Variants in LAMA2 observed in about 807,000 individuals in gnomAD.
The protein encoded by LAMA2 is laminin subunit alpha 2.
A neutral mutation model predicts 364.8 loss-of-function variants in LAMA2; 269 were observed. The observed-to-expected ratio is 0.74, with a 90% CI of 0.67 to 0.82. The LOEUF is 0.82. Ranked by LOEUF, LAMA2 falls within the 40% of genes least tolerant of loss-of-function variation. The pLI, the probability that LAMA2 is intolerant of heterozygous loss-of-function variation, is 0.00. For synonymous variants in LAMA2, 1,379 were observed against 1,370.6 expected (o/e 1.01, Z -0.14); for missense variants, 3,807 against 3,873.2 (o/e 0.98, Z 0.45).
chr6:129,395,675 C>T (rs1035208651), intron 37 of LAMA2, among the ~76,000 whole-genome samples: 1 of 152,196 alleles, frequency 6.6e-6, no homozygotes, highest in Non-Finnish European at 1.5e-5. Flanking sequence ...CCACTCCATA[C>T]GCTACCATAA....
intron 1 of LAMA2, among the ~76,000 whole-genome samples, chr6:128,905,036 C>T (rs1207303880): frequency 6.6e-6 from 1 of 152,048 alleles, no homozygotes; most frequent in African/African-American, 2.4e-5. Context: ...TAATTTTAGT[C>T]GGATATTGGT....
intron 5 of LAMA2, among the ~76,000 whole-genome samples, chr6:129,146,075 G>T (rs1433852144): frequency 6.7e-6 from 1 of 149,808 alleles, no homozygotes. Flanking sequence ...GAAGGAAAAA[G>T]AAACAAAGAA....
At chr6:129,173,322 A>G (rs1167668963) in intron 9 of LAMA2, among the ~76,000 whole-genome samples, 2 of 152,172 alleles carry the variant, frequency 1.3e-5, no homozygotes, top group Admixed American at 6.5e-5. Context: ...ATCATTCACA[A>G]CACCTCCCTC....
intron 8 of LAMA2, chr6:129,159,049 C>T (rs909046511): frequency 2.5e-5 from 39 of 1,577,784 alleles, no homozygotes; most frequent in Non-Finnish European, 3.4e-5. Flanking sequence ...TATCCAGATT[C>T]TGTCCTTGAA....
At chr6:129,494,945 A>G (rs1205948242) in intron 58 of LAMA2, among the ~76,000 whole-genome samples, 1 of 152,204 alleles carries the variant, frequency 6.6e-6, no homozygotes. Flanking sequence ...CCTAATGTCC[A>G]CTTATAAAAA....
At chr6:129,452,853 G>C in intron 45 of LAMA2, 135 bp from the exon 46 acceptor site, 1 of 753,528 alleles carries the variant, frequency 1.3e-6, no homozygotes, top group Non-Finnish European at 2.3e-6. Context: ...CTGCATATGG[G>C]TGTTTAATGA....
chr6:129,369,753 C>T, intron 33 of LAMA2, 139 bp from the exon 34 acceptor site: 1 of 735,492 alleles, frequency 1.4e-6, no homozygotes, highest in Non-Finnish European at 2.4e-6. Flanking sequence ...TGTGTAAGTG[C>T]CCAGTTGAAA....
At chr6:129,211,132 G>T (rs1051626937) in intron 12 of LAMA2, among the ~76,000 whole-genome samples, 5 of 152,144 alleles carry the variant, frequency 3.3e-5, no homozygotes, top group African/African-American at 1.2e-4. Context: ...CTTACACTCA[G>T]TTGACTACTA....
At chr6:128,921,028 T>A (rs1285632601) in intron 1 of LAMA2, among the ~76,000 whole-genome samples, 2 of 152,210 alleles carry the variant, frequency 1.3e-5, no homozygotes, top group Admixed American at 1.3e-4. Context: ...CTTGCACTTA[T>A]CTTAGCAGGG....
intron 1 of LAMA2, among the ~76,000 whole-genome samples, chr6:128,998,404 G>GTCATTTT: frequency 1.4e-5 from 1 of 69,192 alleles, no homozygotes; most frequent in Non-Finnish European, 2.7e-5. Context: ...AGCCAAGATG[G>GTCATTTT]CCGAATAGGA....
At chr6:129,439,994 A>G (rs1293315475) in intron 42 of LAMA2, among the ~76,000 whole-genome samples, 2 of 152,030 alleles carry the variant, frequency 1.3e-5, no homozygotes, top group African/African-American at 4.8e-5. Flanking sequence ...TCTTCTGTGT[A>G]TAACATAAGT....
intron 55 of LAMA2, among the ~76,000 whole-genome samples, chr6:129,484,765 T>C (rs1784514631): frequency 6.6e-6 from 1 of 152,128 alleles, no homozygotes; most frequent in Non-Finnish European, 1.5e-5. Context: ...AGTAAGGTAA[T>C]GATAAACATA....
intron 21 of LAMA2, among the ~76,000 whole-genome samples, chr6:129,300,430 T>A (rs926790990): frequency 6.6e-6 from 1 of 152,128 alleles, no homozygotes; most frequent in African/African-American, 2.4e-5. Context: ...ATATAAGGTG[T>A]TACAGTTAAC....
intron 3 of LAMA2, among the ~76,000 whole-genome samples, chr6:129,079,778 T>A (rs981254212): frequency 3.3e-5 from 5 of 152,100 alleles, no homozygotes; most frequent in Admixed American, 3.3e-4. Context: ...GGAAATTAAA[T>A]CCTGGACAAT....
chr6:129,022,297 T>A (rs1785495043), intron 1 of LAMA2, among the ~76,000 whole-genome samples: 2 of 152,232 alleles, frequency 1.3e-5, no homozygotes, highest in Non-Finnish European at 2.9e-5. Context: ...AGATTCTATT[T>A]TGTTTTACTT....
chr6:129,118,480 A>C (rs1413356881), intron 4 of LAMA2, among the ~76,000 whole-genome samples: 1 of 152,186 alleles, frequency 6.6e-6, no homozygotes, highest in Non-Finnish European at 1.5e-5. Flanking sequence ...ATATCCTTGG[A>C]GATTTTAAAG....
chr6:129,303,282 C>T (rs546869757), intron 22 of LAMA2, among the ~76,000 whole-genome samples: 2 of 152,020 alleles, frequency 1.3e-5, no homozygotes, highest in Admixed American at 1.3e-4. Context: ...ATTTTTATAC[C>T]TTATCCTTCT....
rs562019748 is a variant in LAMA2, at chr6:128,910,389, G to A, written c.112+27032G>A. ...CTTCTTGCTTCATTTCATTCATTTC[G>A]TCTTCCATTGCTGATACCCTTTCTT... On this transcript the variant is annotated intron_variant, in intron 1 of 64. Coordinates refer to ENST00000421865, the MANE Select transcript of LAMA2 (RefSeq NM_000426.4). Among the ~76,000 whole-genome samples, 536 of 151,624 alleles carry A rather than the reference G, an allele frequency of 3.5e-3. 4 individuals are homozygous for A. The highest frequency in any genetic ancestry group is 0.01 in the African/African-American group (431 of 41,296).
At chr6:129,119,705 G>A (rs991272637) in intron 4 of LAMA2, among the ~76,000 whole-genome samples, 31 of 151,978 alleles carry the variant, frequency 2.0e-4, no homozygotes, top group African/African-American at 6.8e-4. Flanking sequence ...CCGCCACCAC[G>A]CCTGGCTAAT....
Sources: allele counts gnomAD v4.1 joint callset (sites outside exome capture counted in the v4.1 genomes callset), GRCh38; gene constraint gnomAD v4.1.1; transcripts MANE v1.5; gene names NCBI Gene and HGNC (gene_info 2026-07-23, HGNC 2026-07-21).